The following CELF2 variants were observed in gnomAD, a reference collection of about 807,000 sequenced individuals.
CELF2 encodes the protein CUG triplet repeat RNA-binding protein 2.
In CELF2, 8 loss-of-function variants were observed where a neutral mutation model predicts 62.6. The ratio of observed to expected loss-of-function variants is 0.13; its 90% CI spans 0.07 to 0.23. The LOEUF (loss-of-function observed/expected upper bound fraction) is 0.23, where lower values mean the gene tolerates loss of function less well. Among genes scored for constraint, CELF2 ranks in the 10% least tolerant of loss-of-function variants. The probability of loss-of-function intolerance (pLI) is 1.00; values close to 1 mark genes in which losing one functional copy is unlikely to be tolerated. For missense variants in CELF2, 333 were observed against 671.0 expected (o/e 0.50, Z 5.56); for synonymous variants, 258 against 250.0 (o/e 1.03, Z -0.30).
In CELF2 at chr10:11,237,152, T is replaced by C. The variant is rs963371286; in HGVS notation, c.355-12001T>C. Among the ~76,000 whole-genome samples, 1 of 152,030 alleles carries C rather than the reference T, an allele frequency of 6.6e-6. No homozygotes were observed. Among genetic ancestry groups the C allele is most frequent in the African/African-American group, 2.4e-5 (1 of 41,364 alleles). ...AGGTGAGCAGGAATGAAAACCTCAC[T>C]AGGGCTGTAGCCGTGGAAATAGAAA... On this transcript the variant is annotated intron_variant, in intron 3 of 12. Transcript: ENST00000633077. The surrounding 1 kb of genome is among the most constrained non-coding windows in gnomAD (Gnocchi z 4.0).
At chr10:10,979,955 A>T (rs1443377172) in intron 2 of CELF2, among the ~76,000 whole-genome samples, 2 of 152,246 alleles carry the variant, frequency 1.3e-5, no homozygotes, top group African/African-American at 2.4e-5. Flanking sequence ...AAGAAAGTCA[A>T]GGGCATTGTT....
At chr10:11,153,227 G>T (rs566020195) in intron 1 of CELF2, among the ~76,000 whole-genome samples, 1 of 152,194 alleles carries the variant, frequency 6.6e-6, no homozygotes, top group South Asian at 2.1e-4. Context: ...CTTAAATATA[G>T]ATAGATATTT....
chr10:11,017,835 G>T, upstream of CELF2: 5 of 532,440 alleles, frequency 9.4e-6, no homozygotes, highest in Non-Finnish European at 1.2e-5. The surrounding 1 kb of genome is among the most constrained non-coding windows in gnomAD (Gnocchi z 5.5). Context: ...CGGCGGGCCC[G>T]CAGGGGTTAA....
chr10:11,279,812 G>T (rs72775855), intron 8 of CELF2, among the ~76,000 whole-genome samples: 1 of 152,016 alleles, frequency 6.6e-6, no homozygotes, highest in African/African-American at 2.4e-5. Context: ...TCTTCGTTTT[G>T]AGAAGGATAT....
At chr10:11,181,411 C>T (rs544650298) in intron 2 of CELF2, among the ~76,000 whole-genome samples, 2 of 152,312 alleles carry the variant, frequency 1.3e-5, no homozygotes, top group South Asian at 4.1e-4. Context: ...CCAATAGGTG[C>T]TTAATGTTTG....
Position 11,303,119 on chromosome 10 carries a change from G to A in CELF2, c.977-11020G>A, listed in dbSNP as rs189257006. On this transcript the variant is annotated intron_variant, in intron 9 of 12. Transcript: ENST00000633077. ...TCCCTAGCCGGCTCTCCTCTGTATC[G>A]AACTAAAATCTGCCTCTGAACAGCT... 4.0e-3 allele frequency among the ~76,000 whole-genome samples: 602 copies of A among 152,244 alleles called. 3 individuals carry two copies. The highest frequency in any genetic ancestry group is 0.014 in the African/African-American group (572 of 41,522).
the CELF2 span, among the ~76,000 whole-genome samples, chr10:10,618,893 A>G: frequency 6.6e-6 from 1 of 152,078 alleles, no homozygotes; most frequent in African/African-American, 2.4e-5. Context: ...GCTTGAGGAG[A>G]TAGCATCTGA....
intron 1 of CELF2, among the ~76,000 whole-genome samples, chr10:11,038,977 C>T (rs1197767485): frequency 2.6e-5 from 4 of 152,182 alleles, no homozygotes; most frequent in Non-Finnish European, 5.9e-5. Context: ...CTGTAGAAAG[C>T]CAGCAGTCTT....
the CELF2 span, among the ~76,000 whole-genome samples, chr10:10,550,647 T>C: frequency 6.6e-6 from 1 of 151,746 alleles, no homozygotes; most frequent in Non-Finnish European, 1.5e-5. Flanking sequence ...GATCCTGCCA[T>C]GGGGTGATGC....
At chr10:10,563,827 A>G in the CELF2 span, among the ~76,000 whole-genome samples, 2 of 152,102 alleles carry the variant, frequency 1.3e-5, no homozygotes, top group East Asian at 3.9e-4. Flanking sequence ...CAGGGATCTC[A>G]CCATCTAGAT....
chr10:10,874,273 G>A (rs897447948), intron 1 of CELF2, among the ~76,000 whole-genome samples: 2 of 152,154 alleles, frequency 1.3e-5, no homozygotes, highest in African/African-American at 2.4e-5. Context: ...AGCCATGATT[G>A]CACCACTGCA....
At chr10:10,497,610 C>T in the CELF2 span, among the ~76,000 whole-genome samples, 1 of 151,970 alleles carries the variant, frequency 6.6e-6, no homozygotes, top group Non-Finnish European at 1.5e-5. Context: ...AGATGGGTGG[C>T]CAGGGGAGGA....
rs2095436597 is a variant in CELF2, at chr10:11,321,530, A to G, written c.1294+144A>G. The G allele has an allele frequency of 6.9e-6, 5 of 723,762 alleles. No homozygotes were observed. The highest frequency in any genetic ancestry group is 2.0e-5 in the South Asian group (1 of 50,410). The allele number at this position is 723,762 out of a possible 1,614,324, so 44.8% of individuals were successfully genotyped here. ...TTGTTATTCATGTTTAAAAAAAAAA[A>G]AAACTGAAAGCTGGGCATGGTGGCA... On this transcript the variant is annotated intron_variant, in intron 11 of 12. Coordinates refer to ENST00000633077, the MANE Select transcript of CELF2 (RefSeq NM_001326342.2). This position sits in a 1 kb window ranked among gnomAD's most constrained non-coding sequence, Gnocchi z 6.2.
the CELF2 span, among the ~76,000 whole-genome samples, chr10:10,464,233 C>T: frequency 6.6e-6 from 1 of 152,110 alleles, no homozygotes; most frequent in East Asian, 1.9e-4. Flanking sequence ...AGAGAAAATG[C>T]TGTGGAGTTA....
chr10:11,199,088 G>A (rs536140995), intron 2 of CELF2, among the ~76,000 whole-genome samples: 8 of 152,286 alleles, frequency 5.3e-5, no homozygotes, highest in African/African-American at 1.9e-4. Flanking sequence ...AGAGGAGGAT[G>A]GCATACAATT....
In CELF2 at chr10:11,145,574, G is replaced by A. The variant is rs2062115326; in HGVS notation, c.75-19912G>A. Among the ~76,000 whole-genome samples the A allele has an allele frequency of 6.6e-6, 1 of 152,144 alleles. No homozygotes were observed. The highest frequency in any genetic ancestry group is 6.5e-5 in the Admixed American group (1 of 15,270). On this transcript the variant is annotated intron_variant, in intron 1 of 12. Coordinates refer to ENST00000633077, the MANE Select transcript of CELF2 (RefSeq NM_001326342.2). This position sits in a 1 kb window ranked among gnomAD's most constrained non-coding sequence, Gnocchi z 4.3. The stretch of plus-strand genomic sequence containing the variant: ...TATTCTCAAATCAGCTACTGAAAAG[G>A]GTGGGGACGCTGAAGGCAGGAAGTG...
intron 1 of CELF2, among the ~76,000 whole-genome samples, chr10:10,854,399 A>G (rs550300579): frequency 9.2e-5 from 14 of 152,348 alleles, no homozygotes; most frequent in Admixed American, 9.1e-4. Context: ...TGCCAAACCT[A>G]CAAATGGCTC....
intron 1 of CELF2, among the ~76,000 whole-genome samples, chr10:11,066,263 C>CT (rs1363560741): frequency 6.6e-6 from 1 of 152,048 alleles, no homozygotes; most frequent in Non-Finnish European, 1.5e-5. Context: ...AATTTCATCT[C>CT]TTTTCTGGAA....
the CELF2 span, among the ~76,000 whole-genome samples, chr10:10,740,624 T>G: frequency 6.6e-6 from 1 of 152,208 alleles, no homozygotes; most frequent in African/African-American, 2.4e-5. Flanking sequence ...GAGATATATG[T>G]ACTCCTGTGT....
Sources: gnomAD v4.1 joint callset for allele counts (sites outside exome capture counted in the v4.1 genomes callset) on GRCh38, gnomAD v4.1.1 for gene constraint, Gnocchi (gnomAD v3.1) non-coding constraint, MANE v1.5 for transcripts, NCBI Gene and HGNC (gene_info 2026-07-23, HGNC 2026-07-21) for gene names.